Variants in PARVB observed in about 807,000 individuals in gnomAD.
PARVB encodes beta-parvin.
In PARVB, 46 loss-of-function variants were observed where a neutral mutation model predicts 47.0. The ratio of observed to expected loss-of-function variants is 0.98; its 90% CI spans 0.77 to 1.25. The LOEUF (loss-of-function observed/expected upper bound fraction) is 1.25. Ranked by LOEUF, PARVB falls within the 50% of genes most tolerant of loss-of-function variation. The pLI, the probability that PARVB is intolerant of heterozygous loss-of-function variation, is 0.00. For synonymous variants in PARVB, 196 were observed against 196.3 expected (o/e 1.00, Z 0.01); for missense variants, 473 against 471.6 (o/e 1.00, Z -0.03).
intron 1 of PARVB, among the ~76,000 whole-genome samples, chr22:44,064,363 G>C (rs1373783724): frequency 6.6e-6 from 1 of 152,238 alleles, no homozygotes; most frequent in Non-Finnish European, 1.5e-5. Context: ...TAGGAAAGCA[G>C]GAAGGAGCTC....
At chr22:44,053,612 TAGTTCAATTCAATTC>T (rs1441716417) in intron 1 of PARVB, among the ~76,000 whole-genome samples, 1 of 152,126 alleles carries the variant, frequency 6.6e-6, no homozygotes, top group Non-Finnish European at 1.5e-5. Context: ...GGATGTCCCC[TAGTTCAATTCAATTC>T]AGTTCTGACT....
intron 2 of PARVB, among the ~76,000 whole-genome samples, chr22:44,094,384 G>A (rs2052248367): frequency 6.6e-6 from 1 of 151,830 alleles, no homozygotes; most frequent in Non-Finnish European, 1.5e-5. Flanking sequence ...GCCACACCAT[G>A]CCAAGCCACG....
At chr22:44,045,914 C>T (rs952750597) in intron 1 of PARVB, among the ~76,000 whole-genome samples, 4 of 152,114 alleles carry the variant, frequency 2.6e-5, no homozygotes, top group Non-Finnish European at 5.9e-5. Context: ...CTCGAGATTC[C>T]GTATGAGTTT....
chr22:44,167,320 C>T (rs1455937959), intron 12 of PARVB, among the ~76,000 whole-genome samples: 2 of 152,186 alleles, frequency 1.3e-5, no homozygotes, highest in African/African-American at 2.4e-5. Context: ...AAGGTGATTC[C>T]TATCCCTGGG....
chr22:44,013,501 C>T (rs1458469372), intron 2 of PARVB, among the ~76,000 whole-genome samples: 6 of 152,178 alleles, frequency 3.9e-5, no homozygotes, highest in South Asian at 4.1e-4. Context: ...CTCACCACGC[C>T]GGCGAAGCCA....
chr22:44,095,945 C>T (rs1200087060), intron 2 of PARVB, among the ~76,000 whole-genome samples: 2 of 152,196 alleles, frequency 1.3e-5, no homozygotes, highest in South Asian at 2.1e-4. Context: ...GTGGCCCCAC[C>T]AGGCTCGGTG....
intron 1 of PARVB, among the ~76,000 whole-genome samples, chr22:44,032,135 G>A (rs713747): frequency 0.46 from 70,122 of 152,038 alleles, 16,845 homozygotes; most frequent in East Asian, 0.65. Flanking sequence ...AAAAGAAGGC[G>A]GACACAATGC....
chr22:44,020,022 G>A (rs532668651), upstream of PARVB, among the ~76,000 whole-genome samples: 10 of 152,176 alleles, frequency 6.6e-5, no homozygotes, highest in South Asian at 2.1e-3. Context: ...TGTGATGAAC[G>A]GGCTGAGGAT....
At chr22:44,149,646 A>G (rs1303316692) in intron 9 of PARVB, 1 of 152,236 alleles carries the variant, frequency 6.6e-6, no homozygotes. Context: ...ACACCCATTA[A>G]TGGCTCATGA....
rs2053920104 is a variant in PARVB, at chr22:44,155,825, A to G, written c.844-2157A>G. 6.6e-6 allele frequency among the ~76,000 whole-genome samples: 1 copy of G among 152,140 alleles called. No individual in the cohort carries two copies. Among genetic ancestry groups the G allele is most frequent in the Non-Finnish European group, 1.5e-5 (1 of 68,030 alleles). On this transcript the variant is annotated intron_variant, in intron 10 of 12. Coordinates refer to ENST00000338758, the MANE Select transcript of PARVB (RefSeq NM_013327.5). The surrounding 1 kb of genome is among the most constrained non-coding windows in gnomAD (Gnocchi z 4.8). ...GTGTGGAAGGCTGAGGGCATGTGACATGGAGGCCAAGTGCCATTTGCCCAT... is the reference window on the plus strand; with the variant it reads ...GTGTGGAAGGCTGAGGGCATGTGACGTGGAGGCCAAGTGCCATTTGCCCAT...
intron 1 of PARVB, among the ~76,000 whole-genome samples, chr22:44,027,138 G>A (rs915748971): frequency 3.9e-5 from 6 of 152,080 alleles, no homozygotes; most frequent in African/African-American, 1.2e-4. Context: ...GGAAAGGAAC[G>A]CCGGAAACCC....
At position 44,171,815 on chromosome 22, in the gene PARVB, ATT is replaced by A. The variant is rs766430471; in HGVS notation, c.*3156_*3157del. On this transcript the variant is annotated 3_prime_UTR_variant, in exon 13 of 13. Transcript: ENST00000338758. ...GGCGATGTTTCCAGCAAAGGATGTG[ATT>A]TTTTTTTTTTTTTTTTTTGAGATAA... 66 of 126,726 alleles carry A rather than the reference ATT, an allele frequency of 5.2e-4. No individual in the cohort carries two copies. Among genetic ancestry groups the A allele is most frequent in the East Asian group, 3.4e-3 (15 of 4,442 alleles). The allele number at this position is 126,726 out of a possible 1,614,324, so 7.9% of individuals were successfully genotyped here. A position where few individuals can be genotyped will look rare whatever the true frequency, so the allele number is the denominator to read the frequency against.
chr22:44,120,278 C>A (rs1248895774), intron 4 of PARVB, among the ~76,000 whole-genome samples: 1 of 152,218 alleles, frequency 6.6e-6, no homozygotes, highest in African/African-American at 2.4e-5. Context: ...CCCCACGATG[C>A]CTTTTGTTTG....
In PARVB at chr22:44,164,971, T is replaced by G. The variant is rs548641887; in HGVS notation, c.1018+1041T>G. On this transcript the variant is annotated intron_variant, in intron 12 of 12. Coordinates refer to ENST00000338758, the MANE Select transcript of PARVB (RefSeq NM_013327.5). Reference sequence around the variant, plus strand: ...GGTTTCACAGGACAATTTCACACCCTCCTGTCTCGTGTGTATGGCTGTTTA... The same window carrying G: ...GGTTTCACAGGACAATTTCACACCCGCCTGTCTCGTGTGTATGGCTGTTTA... Among the ~76,000 whole-genome samples, 19 of 152,246 alleles carry G rather than the reference T, an allele frequency of 1.2e-4. No individual in the cohort carries two copies. The East Asian group carries it at 3.3e-3, about 26-fold the overall frequency.
At chr22:44,117,984 G>A (rs1002998885) in intron 3 of PARVB, among the ~76,000 whole-genome samples, 1 of 152,196 alleles carries the variant, frequency 6.6e-6, no homozygotes. Flanking sequence ...TTTCATAATG[G>A]AAGCAATCTC....
chr22:44,054,046 A>G (rs1470469598), intron 1 of PARVB, among the ~76,000 whole-genome samples: 1 of 152,162 alleles, frequency 6.6e-6, no homozygotes. Context: ...TAACACTAAC[A>G]GATGGACTGG....
At chr22:44,065,011 G>C (rs999940544) in intron 1 of PARVB, among the ~76,000 whole-genome samples, 1 of 152,204 alleles carries the variant, frequency 6.6e-6, no homozygotes, top group African/African-American at 2.4e-5. Flanking sequence ...AGAAAGGAAA[G>C]TGTCATTTCT....
At chr22:44,079,244 C>T (rs774690441) in intron 1 of PARVB, among the ~76,000 whole-genome samples, 87 of 152,280 alleles carry the variant, frequency 5.7e-4, no homozygotes, top group Non-Finnish European at 7.6e-4. Flanking sequence ...TGATATTCAC[C>T]GTTTTTAGTG....
intron 2 of PARVB, among the ~76,000 whole-genome samples, chr22:44,098,089 G>C (rs577049074): frequency 6.6e-6 from 1 of 152,168 alleles, no homozygotes; most frequent in South Asian, 2.1e-4. Flanking sequence ...TCAGTTCAGC[G>C]AGAGCAAGGT....
Sources: gnomAD v4.1 joint callset for allele counts (sites outside exome capture counted in the v4.1 genomes callset) on GRCh38, gnomAD v4.1.1 for gene constraint, Gnocchi (gnomAD v3.1) non-coding constraint, MANE v1.5 for transcripts, NCBI Gene and HGNC (gene_info 2026-07-23, HGNC 2026-07-21) for gene names.